Variants in B3GAT2 observed in about 807,000 individuals in gnomAD.
The protein encoded by B3GAT2 is beta-1,3-glucuronyltransferase 2.
A neutral mutation model predicts 27.8 loss-of-function variants in B3GAT2; 26 were observed. The observed-to-expected ratio is 0.93, with a 90% CI of 0.68 to 1.30. The LOEUF (loss-of-function observed/expected upper bound fraction) is 1.30. Ranked by LOEUF, B3GAT2 falls within the 50% of genes most tolerant of loss-of-function variation. The pLI, the probability that B3GAT2 is intolerant of heterozygous loss-of-function variation, is 0.00. For synonymous variants in B3GAT2, 218 were observed against 195.1 expected (o/e 1.12, Z -0.98); for missense variants, 458 against 459.0 (o/e 1.00, Z 0.02).
In B3GAT2 at chr6:70,858,438, G is replaced by T. The variant is rs575908502; in HGVS notation, c.*3225C>A. 75 of 446,468 alleles carry T rather than the reference G, an allele frequency of 1.7e-4. No individual in the cohort carries two copies. The highest frequency in any genetic ancestry group is 2.8e-4 in the Non-Finnish European group (73 of 262,098). The allele number at this position is 446,468 out of a possible 1,614,324, so 27.7% of individuals were successfully genotyped here. A position where few individuals can be genotyped will look rare whatever the true frequency, so the allele number is the denominator to read the frequency against. ...GATGTGTTATTATCGCTATTTTAGA[G>T]TATTCTGTAAAAAAAAGGTTAAACA... On this transcript the variant is annotated 3_prime_UTR_variant, in exon 4 of 4. Coordinates refer to ENST00000230053, the MANE Select transcript of B3GAT2 (RefSeq NM_080742.3).
chr6:70,909,984 C>T (rs1219443648), intron 1 of B3GAT2, among the ~76,000 whole-genome samples: 1 of 152,152 alleles, frequency 6.6e-6, no homozygotes, highest in Non-Finnish European at 1.5e-5. Context: ...TGCCATTCTC[C>T]TGCCTCAGTC....
At position 70,956,356 on chromosome 6, in the gene B3GAT2, A is replaced by C. The variant is rs751938366; in HGVS notation, c.74T>G (p.Val25Gly). ...CGGGGGCACTGGCCTGCGCGTGTCC[A>C]CGTCGAGCATGATGATGACAATTAG... Reference protein sequence around the residue: ...WILIVIIMLDVDTRRPVPPLT... With the variant: ...WILIVIIMLDGDTRRPVPPLT... The change falls in exon 1 of 4, where the codon GTG becomes GGG. Residue 25 changes from valine to glycine, a missense_variant. Coordinates refer to ENST00000230053, the MANE Select transcript of B3GAT2 (RefSeq NM_080742.3). 9 of 1,565,704 alleles carry C rather than the reference A, an allele frequency of 5.7e-6. No homozygotes were observed. Among genetic ancestry groups the C allele is most frequent in the African/African-American group, 1.4e-5 (1 of 73,898 alleles).
chr6:70,912,761 T>G (rs1223354377), intron 1 of B3GAT2, among the ~76,000 whole-genome samples: 1 of 152,164 alleles, frequency 6.6e-6, no homozygotes, highest in African/African-American at 2.4e-5. Context: ...AGCTCTTCTT[T>G]ATACATCTGG....
chr6:70,947,778 A>T (rs1765516083), intron 1 of B3GAT2, among the ~76,000 whole-genome samples: 2 of 152,146 alleles, frequency 1.3e-5, no homozygotes, highest in South Asian at 4.2e-4. Context: ...GACACAGCCA[A>T]AAAAGAGAAT....
chr6:70,927,101 A>C (rs1384951450), intron 1 of B3GAT2, among the ~76,000 whole-genome samples: 1 of 152,226 alleles, frequency 6.6e-6, no homozygotes, highest in African/African-American at 2.4e-5. Context: ...AGGAGAAATA[A>C]AATCCTTTAC....
At chr6:70,916,094 T>C (rs1582378024) in intron 1 of B3GAT2, among the ~76,000 whole-genome samples, 1 of 152,278 alleles carries the variant, frequency 6.6e-6, no homozygotes, top group East Asian at 1.9e-4. Flanking sequence ...GGTTTGTAGT[T>C]CTCCTTGAAG....
chr6:70,938,144 C>A (rs1358288569), intron 1 of B3GAT2, among the ~76,000 whole-genome samples: 1 of 149,892 alleles, frequency 6.7e-6, no homozygotes, highest in Non-Finnish European at 1.5e-5. Flanking sequence ...GAGTGAACTC[C>A]CATGCACAAT....
intron 1 of B3GAT2, among the ~76,000 whole-genome samples, chr6:70,930,282 G>T (rs1356405330): frequency 1.3e-5 from 2 of 152,126 alleles, no homozygotes; most frequent in African/African-American, 4.8e-5. Context: ...ATAGGCATAG[G>T]CAAGGACTTC....
chr6:70,917,175 T>A (rs1046789689), intron 1 of B3GAT2, among the ~76,000 whole-genome samples: 3 of 152,236 alleles, frequency 2.0e-5, no homozygotes, highest in Non-Finnish European at 4.4e-5. Context: ...GATTTTCTAT[T>A]TTATTTGCGT....
intron 2 of B3GAT2, among the ~76,000 whole-genome samples, chr6:70,881,295 T>C (rs1772095588): frequency 6.6e-6 from 1 of 152,344 alleles, no homozygotes; most frequent in African/African-American, 2.4e-5. Flanking sequence ...TGTTTTATGA[T>C]GCCACATCTT....
intron 1 of B3GAT2, among the ~76,000 whole-genome samples, chr6:70,943,843 A>C (rs959707351): frequency 2.6e-5 from 4 of 152,146 alleles, no homozygotes; most frequent in African/African-American, 9.7e-5. Flanking sequence ...AAGGATACAA[A>C]ATTTCAGTTA....
rs566751039 is a variant in B3GAT2 at position 70,928,362 on chromosome 6, CA to C, written c.591+27476del. Reference sequence around the variant, plus strand: ...ACCAGAACTGAAGGCGACAGAGACACAAAAAAAAAAACTTCAAAAAATCAAT... The same window carrying C: ...ACCAGAACTGAAGGCGACAGAGACACAAAAAAAAAACTTCAAAAAATCAAT... On this transcript the variant is annotated intron_variant, in intron 1 of 3. Transcript: ENST00000230053. Among the ~76,000 whole-genome samples the C allele has an allele frequency of 7.1e-3, 981 of 137,570 alleles. 13 individuals carry two copies. The highest frequency in any genetic ancestry group is 0.025 in the African/African-American group (925 of 37,536). The allele number at this position is 137,570 out of a possible 152,430, so 90.3% of individuals were successfully genotyped here.
intron 2 of B3GAT2, among the ~76,000 whole-genome samples, chr6:70,884,624 G>A (rs764294115): frequency 6.6e-6 from 1 of 152,152 alleles, no homozygotes; most frequent in Non-Finnish European, 1.5e-5. Flanking sequence ...GGGCATCCAC[G>A]TGTGATGGAA....
chr6:70,857,981 G>A lies in B3GAT2; in HGVS notation c.*3682C>T, dbSNP rs1215368352. On this transcript the variant is annotated 3_prime_UTR_variant, in exon 4 of 4. Coordinates refer to ENST00000230053, the MANE Select transcript of B3GAT2 (RefSeq NM_080742.3). ...CTCACAAGCACCAGCTGCATTTCAG[G>A]GCTTTCCATCGATGGGCGTGCCTGT... 1.9e-6 allele frequency: 3 copies of A among 1,613,990 alleles called. No individual in the cohort carries two copies. The highest frequency in any genetic ancestry group is 2.5e-6 in the Non-Finnish European group (3 of 1,180,016).
chr6:70,913,826 T>A (rs887454992), intron 1 of B3GAT2, among the ~76,000 whole-genome samples: 1 of 152,220 alleles, frequency 6.6e-6, no homozygotes, highest in South Asian at 2.1e-4. Context: ...ACCGTGTGGT[T>A]ATCCATGTCT....
chr6:70,944,553 A>T (rs1413980308), intron 1 of B3GAT2, among the ~76,000 whole-genome samples: 1 of 152,188 alleles, frequency 6.6e-6, no homozygotes, highest in Non-Finnish European at 1.5e-5. Flanking sequence ...TGCTTAGGTA[A>T]ACAAAGCAGC....
At position 70,901,998 on chromosome 6, in the gene B3GAT2, G is replaced by C. The variant is rs769103207; in HGVS notation, c.592-7726C>G. Among the ~76,000 whole-genome samples, 81 of 152,210 alleles carry C rather than the reference G, an allele frequency of 5.3e-4. 1 individual carries two copies. The highest frequency in any genetic ancestry group is 3.9e-4 in the Admixed American group (6 of 15,290). On this transcript the variant is annotated intron_variant, in intron 1 of 3. Transcript: ENST00000230053. ...ATGAACCACGTTGAAATTTTAGCCCGTTAGATTTTAATATAAATAAAGTAA... is the reference window on the plus strand; with the variant it reads ...ATGAACCACGTTGAAATTTTAGCCCCTTAGATTTTAATATAAATAAAGTAA...
At chr6:70,863,270 T>C (rs772180252) in intron 2 of B3GAT2, among the ~76,000 whole-genome samples, 1 of 152,222 alleles carries the variant, frequency 6.6e-6, no homozygotes, top group Non-Finnish European at 1.5e-5. Flanking sequence ...TACTAAATGA[T>C]ACCAGGTGGT....
Position 70,956,196 on chromosome 6 carries a change from C to G in B3GAT2, c.234G>C (p.Gln78His). 1 of 1,611,858 alleles carries G rather than the reference C, an allele frequency of 6.2e-7. No individual in the cohort carries two copies. The highest frequency in any genetic ancestry group is 8.5e-7 in the Non-Finnish European group (1 of 1,178,866). Residue 78 changes from glutamine to histidine, a missense_variant, in exon 1 of 4, where the codon CAG (glutamine) becomes CAC (histidine). By Grantham distance (24) the Gln-to-His change is conservative (BLOSUM62 0). Coordinates refer to ENST00000230053, the MANE Select transcript of B3GAT2 (RefSeq NM_080742.3). ...QSRPQPQPEP[Q>H]LPTIYAITPT... ...GCGTGATGGCATAGATGGTGGGCAG[C>G]TGCGGCTCCGGCTGTGGCTGCGGCC...
Sources: gnomAD v4.1 joint callset for allele counts (sites outside exome capture counted in the v4.1 genomes callset) on GRCh38, gnomAD v4.1.1 for gene constraint, MANE v1.5 for transcripts, NCBI Gene and HGNC (gene_info 2026-07-23, HGNC 2026-07-21) for gene names.